The following BAG4 variants were observed in gnomAD, a reference collection of about 807,000 sequenced individuals.
BAG4 encodes BAG family molecular chaperone regulator 4.
BAG4 carries 28 observed loss-of-function variants against 52.1 expected under a neutral mutation model. The ratio of observed to expected loss-of-function variants is 0.54; its 90% CI spans 0.40 to 0.74. The LOEUF (loss-of-function observed/expected upper bound fraction) is 0.74. BAG4 is among the 30% of genes least tolerant of loss of function. BAG4 has a pLI of 0.00. For missense variants in BAG4, 525 were observed against 572.0 expected (o/e 0.92, Z 0.84); for synonymous variants, 208 against 217.0 (o/e 0.96, Z 0.37).
Position 38,185,168 on chromosome 8 carries a change from T to C in BAG4, c.271-7520T>C, listed in dbSNP as rs147057208. On this transcript the variant is annotated intron_variant, in intron 1 of 4. Coordinates refer to ENST00000287322, the MANE Select transcript of BAG4 (RefSeq NM_004874.4). ...ATACCTTAATACTTGGTACAGAAAT[T>C]ACAGTTGGGTGCCTGGCATATATAC... Among the ~76,000 whole-genome samples the C allele has an allele frequency of 3.5e-3, 536 of 152,194 alleles. 6 individuals are homozygous for C. The highest frequency in any genetic ancestry group is 0.012 in the African/African-American group (503 of 41,506).
At chr8:38,209,472 G>C (rs149952659) in intron 4 of BAG4, 15 of 614,104 alleles carry the variant, frequency 2.4e-5, no homozygotes, top group African/African-American at 1.7e-4. Flanking sequence ...GATTCACATC[G>C]TTTTTGTTAA....
chr8:38,181,055 C>T (rs1803257390), intron 1 of BAG4, among the ~76,000 whole-genome samples: 1 of 151,658 alleles, frequency 6.6e-6, no homozygotes, highest in Admixed American at 6.6e-5. Flanking sequence ...CTTCTCCTGC[C>T]TCAGCCTCCC....
chr8:38,186,107 G>A (rs1803362444), intron 1 of BAG4, among the ~76,000 whole-genome samples: 1 of 152,094 alleles, frequency 6.6e-6, no homozygotes, highest in Admixed American at 6.6e-5. Flanking sequence ...TGCCTCAGAT[G>A]CCTGTCACTG....
chr8:38,195,410 T>G (rs1348463790), intron 2 of BAG4, among the ~76,000 whole-genome samples: 1 of 152,122 alleles, frequency 6.6e-6, no homozygotes, highest in Non-Finnish European at 1.5e-5. Context: ...CACTTCAGCC[T>G]CCTGAGTAGC....
chr8:38,184,032 A>T (rs1299328921), intron 1 of BAG4, among the ~76,000 whole-genome samples: 1 of 152,296 alleles, frequency 6.6e-6, no homozygotes, highest in East Asian at 1.9e-4. Flanking sequence ...TGATTTAGGA[A>T]ATTAGCTAAA....
intron 1 of BAG4, 22 bp downstream of exon 1, chr8:38,177,161 C>T (rs1475062324): frequency 6.2e-7 from 1 of 1,607,816 alleles, no homozygotes. Flanking sequence ...ACCCTCTGTC[C>T]TTGCGGGGAG....
At chr8:38,198,439 A>T (rs1198495501) in intron 2 of BAG4, among the ~76,000 whole-genome samples, 4 of 122,698 alleles carry the variant, frequency 3.3e-5, no homozygotes, top group Non-Finnish European at 3.5e-5. Flanking sequence ...TTATATCCTT[A>T]TTCTATTAAG....
chr8:38,181,107 A>AT (rs1192266223), intron 1 of BAG4, among the ~76,000 whole-genome samples: 2 of 121,274 alleles, frequency 1.6e-5, no homozygotes, highest in African/African-American at 3.2e-5. Context: ...CGCCCGGCCA[A>AT]TTTTTTTGTA....
At position 38,209,003 on chromosome 8, in the gene BAG4, C is replaced by T. The variant is rs769425573; in HGVS notation, c.634-10C>T. On this transcript the variant is annotated splice_polypyrimidine_tract_variant and intron_variant, in intron 3 of 4. Transcript: ENST00000287322. ...CACAATGACTGGTATATTTCTTCTT[C>T]TCAATCTAGAACCCTGGAATGACCC... 2.5e-5 allele frequency: 40 copies of T among 1,604,060 alleles called. No individual in the cohort carries two copies. Among genetic ancestry groups the T allele is most frequent in the Non-Finnish European group, 3.4e-5 (40 of 1,174,106 alleles).
At chr8:38,188,133 T>C (rs1269472565) in intron 1 of BAG4, among the ~76,000 whole-genome samples, 1 of 150,870 alleles carries the variant, frequency 6.6e-6, no homozygotes, top group Non-Finnish European at 1.5e-5. Flanking sequence ...TAAGTTATAA[T>C]GCTACATTTG....
rs758224495 is a variant in BAG4 at position 38,211,202 on chromosome 8, C to CTTTTTTTTTT, written c.*722_*731dup. The CTTTTTTTTTT allele has an allele frequency of 1.1e-5, 1 of 93,674 alleles. No homozygotes were observed. Among genetic ancestry groups the CTTTTTTTTTT allele is most frequent in the Non-Finnish European group, 2.2e-5 (1 of 45,702 alleles). The allele number at this position is 93,674 out of a possible 1,614,324, so 5.8% of individuals were successfully genotyped here. A position where few individuals can be genotyped will look rare whatever the true frequency, so the allele number is the denominator to read the frequency against. Reference sequence around the variant, plus strand: ...ATCATTAGGTTAGAGTTTTTTTCTTCTTTTTTTTTTTTTTTTTTTTTTACC... The same window carrying CTTTTTTTTTT: ...ATCATTAGGTTAGAGTTTTTTTCTTCTTTTTTTTTTTTTTTTTTTTTTTTTTTTTTTTACC... On this transcript the variant is annotated 3_prime_UTR_variant, in exon 5 of 5. Transcript: ENST00000287322.
intron 1 of BAG4, among the ~76,000 whole-genome samples, chr8:38,186,854 T>C (rs1429136866): frequency 6.6e-6 from 1 of 152,254 alleles, no homozygotes; most frequent in East Asian, 1.9e-4. Context: ...TACCCAAGGC[T>C]GTGCCTTCTA....
intron 1 of BAG4, among the ~76,000 whole-genome samples, chr8:38,181,915 A>G (rs11779986): frequency 0.2 from 26,762 of 134,460 alleles, 3,444 homozygotes; most frequent in East Asian, 0.26. Context: ...AAAAAAAAAA[A>G]AGGAAGTAAG....
At position 38,207,532 on chromosome 8, in the gene BAG4, T is replaced by C. The variant is rs375515884; in HGVS notation, c.399T>C (p.Asn133=). 4.3e-6 allele frequency: 7 copies of C among 1,612,720 alleles called. No homozygotes were observed. The Admixed American group carries it at 5.0e-5, about 12-fold the overall frequency. ...LQGQSLNSYT[N]GAYGPTYPPG... Reference sequence around the variant, plus strand: ...TTCAGAGTTTGAATTCTTATACAAATGGAGCGTATGGTCCAACATACCCCC... The same window carrying C: ...TTCAGAGTTTGAATTCTTATACAAACGGAGCGTATGGTCCAACATACCCCC... Residue 133 remains asparagine, a synonymous_variant, in exon 3 of 5, where the codon AAT becomes AAC. Transcript: ENST00000287322.
intron 2 of BAG4, among the ~76,000 whole-genome samples, chr8:38,198,991 G>T (rs968324825): frequency 1.3e-5 from 2 of 152,172 alleles, no homozygotes; most frequent in Non-Finnish European, 2.9e-5. Flanking sequence ...GCTGTTTTCC[G>T]GTTAACCTTT....
intron 2 of BAG4, among the ~76,000 whole-genome samples, chr8:38,194,756 A>G (rs775752728): frequency 2.0e-5 from 3 of 151,286 alleles, no homozygotes; most frequent in Non-Finnish European, 4.4e-5. Flanking sequence ...TTACTTTTCA[A>G]AATGGTTGTA....
chr8:38,207,452 C>T (rs1174022711), intron 2 of BAG4, 60 bp from the exon 3 acceptor site: 1 of 1,550,686 alleles, frequency 6.4e-7, no homozygotes, highest in Non-Finnish European at 8.8e-7. Flanking sequence ...GGCATTAAGT[C>T]AGGGCATTTC....
intron 1 of BAG4, among the ~76,000 whole-genome samples, chr8:38,177,658 C>T (rs1803187722): frequency 6.6e-6 from 1 of 152,114 alleles, no homozygotes; most frequent in South Asian, 2.1e-4. Context: ...TTGTAAAGTA[C>T]CTTTACGCGG....
At chr8:38,205,202 A>ATTTTTTTTTTTT (rs35284937) in intron 2 of BAG4, among the ~76,000 whole-genome samples, 3 of 79,240 alleles carry the variant, frequency 3.8e-5, no homozygotes, top group African/African-American at 4.9e-5. Flanking sequence ...CAGCTAATTA[A>ATTTTTTTTTTTT]TTTTTTTTTT....
Sources: gnomAD v4.1 joint callset for allele counts (sites outside exome capture counted in the v4.1 genomes callset) on GRCh38, gnomAD v4.1.1 for gene constraint, MANE v1.5 for transcripts, NCBI Gene and HGNC (gene_info 2026-07-23, HGNC 2026-07-21) for gene names.